The following KIR3DL2 variants were observed in gnomAD, a reference collection of about 807,000 sequenced individuals.
KIR3DL2 encodes killer cell immunoglobulin like receptor, three Ig domains and long cytoplasmic tail 2.
In KIR3DL2, 42 loss-of-function variants were observed where a neutral mutation model predicts 41.6. That is an observed-to-expected ratio of 1.01 (90% CI 0.79 to 1.31). The LOEUF is 1.31. KIR3DL2 is among the 50% of genes most tolerant of loss of function. The pLI, the probability that KIR3DL2 is intolerant of heterozygous loss-of-function variation, is 0.00. For synonymous variants in KIR3DL2, 230 were observed against 221.3 expected, an observed-to-expected ratio of 1.04 and a Z score of -0.35; for missense variants, 728 against 576.8, an observed-to-expected ratio of 1.26 and a Z score of -2.68.
intron 5 of KIR3DL2, among the ~76,000 whole-genome samples, chr19:54,856,421 T>A (rs2064783752): frequency 1.3e-5 from 2 of 151,750 alleles, no homozygotes; most frequent in African/African-American, 4.9e-5. Context: ...TGGTTCACGG[T>A]TGTAATCTTG....
In KIR3DL2 at chr19:54,852,083, T is replaced by C; in HGVS notation, c.156T>C (p.Arg52=). 1 of 1,612,700 alleles carries C rather than the reference T, an allele frequency of 6.2e-7. No individual in the cohort carries two copies. The highest frequency in any genetic ancestry group is 1.1e-5 in the South Asian group (1 of 91,058). Residue 52 remains arginine (R), a synonymous_variant, in exon 3 of 9, where the codon CGT becomes CGC. Transcript: ENST00000326321. ...GGHVALQCHY[R]RGFNNFMLYK... ...ACGTGGCTCTTCAGTGTCACTATCGTCGTGGGTTTAACAATTTCATGCTGT... is the reference window on the plus strand; with the variant it reads ...ACGTGGCTCTTCAGTGTCACTATCGCCGTGGGTTTAACAATTTCATGCTGT...
At position 54,865,929 on chromosome 19, in the gene KIR3DL2, G is replaced by A. The variant is rs770809042; in HGVS notation, c.1105+20G>A. The A allele has an allele frequency of 8.8e-6, 14 of 1,598,268 alleles. No homozygotes were observed. The African/African-American group carries it at 1.1e-4, about 12-fold the overall frequency. On this transcript the variant is annotated intron_variant, in intron 7 of 8. Transcript: ENST00000326321. Reference sequence around the variant, plus strand: ...AAAAGAGTAAGTCTCACGAAGCAGAGGCCAGAGAGCTCAGGGCCATGTGGG... The same window carrying A: ...AAAAGAGTAAGTCTCACGAAGCAGAAGCCAGAGAGCTCAGGGCCATGTGGG...
At chr19:54,865,174 A>G (rs2065420147) in intron 6 of KIR3DL2, among the ~76,000 whole-genome samples, 1 of 151,992 alleles carries the variant, frequency 6.6e-6, no homozygotes, top group African/African-American at 2.4e-5. Flanking sequence ...TGATTTGCAT[A>G]TATTGAACCA....
At chr19:54,854,279 A>G (rs1437236318) in intron 4 of KIR3DL2, among the ~76,000 whole-genome samples, 4 of 151,760 alleles carry the variant, frequency 2.6e-5, no homozygotes, top group African/African-American at 9.7e-5. Flanking sequence ...AAAGAGAGAA[A>G]GAGGTAAAGG....
chr19:54,852,214 G>T lies in KIR3DL2; in HGVS notation c.287G>T (p.Arg96Leu). 1.2e-6 allele frequency: 2 copies of T among 1,611,796 alleles called. No homozygotes were observed. The highest frequency in any genetic ancestry group is 1.7e-6 in the Non-Finnish European group (2 of 1,178,936). The change falls in exon 3 of 9, where the codon CGG becomes CTG. Residue 96 changes from arginine (R) to leucine (L), a missense_variant. By Grantham distance (102) the Arg-to-Leu change is moderately radical. Transcript: ENST00000326321. ...GCACATGCAGGGACCTACAGATGTC[G>T]GGGTTCACGCCCACACTCCCTCACT... is the stretch of plus-strand genomic sequence containing the variant. ...TPAHAGTYRC[R>L]GSRPHSLTGW...
intron 2 of KIR3DL2, 48 bp from the exon 3 acceptor site, chr19:54,851,950 G>A: frequency 6.3e-7 from 1 of 1,592,176 alleles, no homozygotes; most frequent in South Asian, 1.1e-5. Context: ...GGGAGGGAGG[G>A]GTGGCTCCAC....
chr19:54,850,749 T>C (rs1440234548), intron 1 of KIR3DL2, among the ~76,000 whole-genome samples: 6 of 107,476 alleles, frequency 5.6e-5, no homozygotes, highest in Non-Finnish European at 1.1e-4. Flanking sequence ...GGAGTGGAGA[T>C]ATGGGCCTGG....
In KIR3DL2 at chr19:54,850,515, T is replaced by C. The variant is rs553503437; in HGVS notation, c.34+6T>C. On this transcript the variant is annotated splice_donor_region_variant and intron_variant, in intron 1 of 8. Coordinates refer to ENST00000326321, the MANE Select transcript of KIR3DL2 (RefSeq NM_006737.4). ...CGTCAGCATGGCGTGCGTTGGTGAG[T>C]CCTGGAAGGGAATAGAGGGAGGGAG... 1.2e-6 allele frequency: 2 copies of C among 1,609,300 alleles called. No homozygotes were observed. Among genetic ancestry groups the C allele is most frequent in the African/African-American group, 1.3e-5 (1 of 74,398 alleles).
chr19:54,864,550 T>C (rs1047566371), intron 6 of KIR3DL2, among the ~76,000 whole-genome samples: 2 of 152,042 alleles, frequency 1.3e-5, no homozygotes, highest in Admixed American at 1.3e-4. Flanking sequence ...TGGTTTGTAG[T>C]TCTCCTTGAA....
In KIR3DL2 at chr19:54,854,852, T is replaced by G. The variant is rs1405645251; in HGVS notation, c.656-767T>G. 5.3e-5 allele frequency among the ~76,000 whole-genome samples: 8 copies of G among 151,396 alleles called. No individual in the cohort carries two copies. The East Asian group carries it at 1.4e-3, about 26-fold the overall frequency. On this transcript the variant is annotated intron_variant, in intron 4 of 8. Transcript: ENST00000326321. ...GGAGGGGCACAAAGACAGAGAAAGA[T>G]AAAGATGTGGGGATGGATTGCAGAG... is the stretch of plus-strand genomic sequence containing the variant.
chr19:54,858,829 C>T (rs2064978949), intron 5 of KIR3DL2, among the ~76,000 whole-genome samples: 1 of 152,036 alleles, frequency 6.6e-6, no homozygotes, highest in South Asian at 2.1e-4. Flanking sequence ...CAATGTCATG[C>T]TGTTTTGCTT....
chr19:54,864,494 G>A (rs933580669), intron 6 of KIR3DL2, among the ~76,000 whole-genome samples: 2 of 152,094 alleles, frequency 1.3e-5, no homozygotes, highest in African/African-American at 2.4e-5. Context: ...CATGAGCATG[G>A]AATGTTCTTC....
Position 54,852,195 on chromosome 19 carries a change from G to A in KIR3DL2, c.268G>A (p.Ala90Thr). ...CATGGGCCCTGTGACCCCAGCACAT[G>A]CAGGGACCTACAGATGTCGGGGTTC... ...FIMGPVTPAH[A>T]GTYRCRGSRP... The change falls in exon 3 of 9, where the codon GCA becomes ACA. Residue 90 changes from alanine (A) to threonine (T), a missense_variant. Ala to Thr is a moderately conservative substitution (Grantham distance 58, BLOSUM62 0). Coordinates refer to ENST00000326321, the MANE Select transcript of KIR3DL2 (RefSeq NM_006737.4). 2 of 1,612,466 alleles carry A rather than the reference G, an allele frequency of 1.2e-6. No homozygotes were observed. The highest frequency in any genetic ancestry group is 1.7e-6 in the Non-Finnish European group (2 of 1,179,342).
intron 5 of KIR3DL2, among the ~76,000 whole-genome samples, chr19:54,858,495 G>A (rs1239117807): frequency 1.2e-4 from 18 of 150,090 alleles, no homozygotes; most frequent in Admixed American, 8.6e-4. Context: ...TTGGGAGGCC[G>A]AGGCGGGTGG....
intron 6 of KIR3DL2, among the ~76,000 whole-genome samples, chr19:54,860,885 T>C (rs78981752): frequency 0.12 from 15,626 of 129,168 alleles, 1,213 homozygotes; most frequent in East Asian, 0.48. Context: ...ACTCAAATGC[T>C]GGGAATGAGG....
chr19:54,855,547 T>G, intron 4 of KIR3DL2, 72 bp from the exon 5 acceptor site: 2 of 1,565,462 alleles, frequency 1.3e-6, no homozygotes, highest in Non-Finnish European at 1.7e-6. Flanking sequence ...GGGAGTGAGT[T>G]CTCAGCTCAG....
chr19:54,863,162 A>G (rs1269207711), intron 6 of KIR3DL2, among the ~76,000 whole-genome samples: 1 of 151,600 alleles, frequency 6.6e-6, no homozygotes, highest in Non-Finnish European at 1.5e-5. Context: ...AATTTCATCC[A>G]TGTCCCTGCA....
chr19:54,850,568 G>A (rs1445929568), intron 1 of KIR3DL2, 59 bp downstream of exon 1: 6 of 1,597,602 alleles, frequency 3.8e-6, no homozygotes, highest in South Asian at 3.3e-5. Flanking sequence ...CGGCCTAGAG[G>A]TAAAGATATG....
At chr19:54,861,922 T>C (rs1204616032) in intron 6 of KIR3DL2, among the ~76,000 whole-genome samples, 1 of 150,938 alleles carries the variant, frequency 6.6e-6, no homozygotes, top group Non-Finnish European at 1.5e-5. Context: ...CTCACCCAAA[T>C]CCCCCACCTC....
Sources: gnomAD v4.1 joint callset for allele counts (sites outside exome capture counted in the v4.1 genomes callset) on GRCh38, gnomAD v4.1.1 for gene constraint, MANE v1.5 for transcripts, NCBI Gene and HGNC (gene_info 2026-07-23, HGNC 2026-07-21) for gene names.